Variants in LPAR1 observed in about 807,000 individuals in gnomAD.
The protein encoded by LPAR1 is LPA receptor 1.
In LPAR1, 5 loss-of-function variants were observed where a neutral mutation model predicts 23.8. The ratio of observed to expected loss-of-function variants is 0.21; its 90% CI spans 0.11 to 0.44. The LOEUF is 0.44. Among genes scored for constraint, LPAR1 ranks in the 20% least tolerant of loss-of-function variants. LPAR1 has a pLI of 0.99. For synonymous variants in LPAR1, 160 were observed against 164.7 expected (o/e 0.97, Z 0.22); for missense variants, 311 against 482.8 (o/e 0.64, Z 3.33).
At chr9:111,027,622 G>T (rs1196262933) in intron 2 of LPAR1, among the ~76,000 whole-genome samples, 1 of 152,012 alleles carries the variant, frequency 6.6e-6, no homozygotes, top group African/African-American at 2.4e-5. Flanking sequence ...AAAATATCAG[G>T]CAAGCTGGGT....
chr9:110,990,564 C>T (rs964552238), intron 2 of LPAR1, among the ~76,000 whole-genome samples: 3 of 151,842 alleles, frequency 2.0e-5, no homozygotes, highest in African/African-American at 7.3e-5. Flanking sequence ...AAGAGGAAAA[C>T]AAAACATATC....
chr9:111,003,032 A>T (rs1180010579), intron 2 of LPAR1, among the ~76,000 whole-genome samples: 1 of 152,170 alleles, frequency 6.6e-6, no homozygotes, highest in Non-Finnish European at 1.5e-5. Flanking sequence ...TAATTTGTAT[A>T]CCCAGATGAG....
intron 2 of LPAR1, among the ~76,000 whole-genome samples, chr9:110,976,407 GA>G (rs1303364038): frequency 2.0e-5 from 3 of 152,014 alleles, no homozygotes; most frequent in African/African-American, 4.8e-5. Context: ...TCAGGAGGCT[GA>G]GGCAGAGAGC....
At chr9:111,021,160 G>A (rs1452801545) in intron 2 of LPAR1, among the ~76,000 whole-genome samples, 1 of 152,174 alleles carries the variant, frequency 6.6e-6, no homozygotes, top group Non-Finnish European at 1.5e-5. Context: ...GAAGATGCTG[G>A]TCAAAGGGTA....
At chr9:110,898,463 C>G in intron 5 of LPAR1, among the ~76,000 whole-genome samples, 1 of 152,252 alleles carries the variant, frequency 6.6e-6, no homozygotes, top group South Asian at 2.1e-4. Context: ...CCATCCTTTT[C>G]TCCAGACAGA....
At chr9:111,022,402 A>G (rs568453361) in intron 2 of LPAR1, among the ~76,000 whole-genome samples, 3 of 152,316 alleles carry the variant, frequency 2.0e-5, no homozygotes, top group South Asian at 2.1e-4. Context: ...GTGGTCTCCA[A>G]CTTACTTTAT....
In LPAR1 at chr9:110,875,463, G is replaced by C. The variant is rs139563572; in HGVS notation, c.1053C>G (p.Thr351=). The change falls in exon 6 of 6, where the codon ACC becomes ACG. Residue 351 remains threonine (T), a synonymous_variant. Transcript: ENST00000683809. ...SDRSASSLNH[T]ILAGVHSNDH... The stretch of plus-strand genomic sequence containing the variant: ...CATTGCTGTGAACTCCAGCCAAGAT[G>C]GTGTGGTTGAGGGAGGAAGCCGAGC... The C allele has an allele frequency of 6.2e-7, 1 of 1,613,990 alleles. No individual in the cohort carries two copies.
chr9:110,922,092 C>A (rs138411727), intron 5 of LPAR1, among the ~76,000 whole-genome samples: 1 of 152,070 alleles, frequency 6.6e-6, no homozygotes, highest in African/African-American at 2.4e-5. Flanking sequence ...AAAGTAGGAA[C>A]TGGGGAAGAA....
chr9:110,913,066 C>T (rs1042064438), intron 5 of LPAR1, among the ~76,000 whole-genome samples: 9 of 152,190 alleles, frequency 5.9e-5, no homozygotes, highest in Non-Finnish European at 1.5e-5. Context: ...AGAGGAGGAA[C>T]TTAAACTTGA....
intron 5 of LPAR1, among the ~76,000 whole-genome samples, chr9:110,898,611 G>C (rs1052173724): frequency 2.6e-5 from 4 of 152,172 alleles, no homozygotes; most frequent in Admixed American, 6.5e-5. Context: ...GATGAAGACA[G>C]CTATGTTTAA....
At chr9:110,992,238 T>C (rs991766408) in intron 2 of LPAR1, among the ~76,000 whole-genome samples, 2 of 152,088 alleles carry the variant, frequency 1.3e-5, no homozygotes, top group Non-Finnish European at 2.9e-5. Context: ...AAAGATAATA[T>C]ACGGATGGCA....
chr9:111,002,889 G>A (rs734250), intron 2 of LPAR1, among the ~76,000 whole-genome samples: 15,981 of 152,128 alleles, frequency 0.11, 1,108 homozygotes, highest in Admixed American at 0.2. Context: ...TTGTAATCCC[G>A]GCAGTCTGTG....
chr9:110,910,645 A>G (rs2092304348), intron 5 of LPAR1, among the ~76,000 whole-genome samples: 1 of 152,238 alleles, frequency 6.6e-6, no homozygotes, highest in South Asian at 2.1e-4. Flanking sequence ...AACTTTCTGG[A>G]AAGAATTCAC....
chr9:110,873,902 A>G lies in LPAR1; in HGVS notation c.*1519T>C, dbSNP rs997629300. ...CAAACAAAGTTTGGAATTGCGAGAT[A>G]TATTGGGGTACCTTGATTCTTGAGA... is the stretch of plus-strand genomic sequence containing the variant. On this transcript the variant is annotated 3_prime_UTR_variant, in exon 6 of 6. Transcript: ENST00000683809. 6.6e-6 allele frequency: 1 copy of G among 152,448 alleles called. No homozygotes were observed. The highest frequency in any genetic ancestry group is 6.5e-5 in the Admixed American group (1 of 15,274). 9.4% of individuals were successfully genotyped at this position (152,448 alleles called of 1,614,324 possible).
At chr9:110,878,913 T>C (rs1034327428) in intron 5 of LPAR1, among the ~76,000 whole-genome samples, 2 of 152,110 alleles carry the variant, frequency 1.3e-5, no homozygotes, top group African/African-American at 2.4e-5. Context: ...ATGAAGAAGA[T>C]AACAAGAGGG....
rs1810930699 is a variant in LPAR1, at chr9:110,980,665, G to A, written c.-181-7107C>T. Among the ~76,000 whole-genome samples, 5 of 151,780 alleles carry A rather than the reference G, an allele frequency of 3.3e-5. No homozygotes were observed. In the Admixed American group the frequency reaches 3.3e-4, roughly 10 times the overall value. ...GATAGGGAGAGTTTGGTTAATGGATGTACAAAGTTATACCTAGATAGCAAA... is the reference window on the plus strand; with the variant it reads ...GATAGGGAGAGTTTGGTTAATGGATATACAAAGTTATACCTAGATAGCAAA... On this transcript the variant is annotated intron_variant, in intron 2 of 5. Transcript: ENST00000683809.
chr9:110,877,081 T>C (rs2079305979), intron 5 of LPAR1, among the ~76,000 whole-genome samples: 1 of 152,140 alleles, frequency 6.6e-6, no homozygotes, highest in Non-Finnish European at 1.5e-5. Context: ...ATCTTCAGAT[T>C]TAAATGGCGC....
At position 110,875,625 on chromosome 9, in the gene LPAR1, A is replaced by G. The variant is rs1274224879; in HGVS notation, c.891T>C (p.Leu297=). The G allele has an allele frequency of 2.5e-6, 4 of 1,613,830 alleles. No homozygotes were observed. Among genetic ancestry groups the G allele is most frequent in the Non-Finnish European group, 3.4e-6 (4 of 1,179,914 alleles). ...TGGCAGAGTTGAATTCAGCAAGGAG[A>G]AGGAAGAATTTCTCATAGGCCAGCA... The part of the protein sequence containing the change: ...CDVLAYEKFF[L]LLAEFNSAMN... Residue 297 remains leucine, a synonymous_variant, in exon 6 of 6, where the codon CTT becomes CTC. Coordinates refer to ENST00000683809, the MANE Select transcript of LPAR1 (RefSeq NM_001351411.2).
chr9:110,966,639 T>C (rs1000941110), intron 4 of LPAR1, among the ~76,000 whole-genome samples: 2 of 151,930 alleles, frequency 1.3e-5, no homozygotes. Context: ...TTCAAATAAA[T>C]ATAAAAATGA....
Sources: gnomAD v4.1 joint callset for allele counts (sites outside exome capture counted in the v4.1 genomes callset) on GRCh38, gnomAD v4.1.1 for gene constraint, MANE v1.5 for transcripts, NCBI Gene and HGNC (gene_info 2026-07-23, HGNC 2026-07-21) for gene names.